Variants in CNNM2 observed in about 807,000 individuals in gnomAD.
CNNM2 encodes the protein metal transporter CNNM2.
Under a neutral mutation model 66.9 loss-of-function variants are expected in CNNM2, and 12 were observed. The ratio of observed to expected loss-of-function variants is 0.18; its 90% CI spans 0.11 to 0.29. The LOEUF (loss-of-function observed/expected upper bound fraction) is 0.29, where lower values mean the gene tolerates loss of function less well. Ranked by LOEUF, CNNM2 falls within the 10% of genes least tolerant of loss-of-function variation. The pLI, the probability that CNNM2 is intolerant of heterozygous loss-of-function variation, is 1.00. For synonymous variants in CNNM2, 557 were observed against 501.8 expected (o/e 1.11, Z -1.47); for missense variants, 705 against 1,167.7 (o/e 0.60, Z 5.77).
intron 4 of CNNM2, among the ~76,000 whole-genome samples, chr10:103,060,789 TGGAA>T (rs1245959793): frequency 6.6e-6 from 1 of 152,114 alleles, no homozygotes; most frequent in African/African-American, 2.4e-5. Flanking sequence ...GAAAACAGGG[TGGAA>T]GGAAGACTGA....
chr10:102,991,714 ATAAAT>A (rs1482864838), intron 1 of CNNM2, among the ~76,000 whole-genome samples: 5 of 152,306 alleles, frequency 3.3e-5, no homozygotes, highest in East Asian at 3.9e-4. Context: ...ATTTGTACTG[ATAAAT>A]TAAAGACTAG....
intron 1 of CNNM2, among the ~76,000 whole-genome samples, chr10:102,964,619 T>C (rs1227973085): frequency 6.6e-6 from 1 of 152,182 alleles, no homozygotes; most frequent in Non-Finnish European, 1.5e-5. Flanking sequence ...CTGGACCACC[T>C]ACTCAGCCTA....
intron 1 of CNNM2, among the ~76,000 whole-genome samples, chr10:102,986,829 C>G (rs2063806898): frequency 6.7e-6 from 1 of 148,944 alleles, no homozygotes; most frequent in Non-Finnish European, 1.5e-5. Flanking sequence ...AATTATATTA[C>G]TAGAGGTGGT....
chr10:102,961,130 A>C (rs1439632928), intron 1 of CNNM2, among the ~76,000 whole-genome samples: 1 of 152,032 alleles, frequency 6.6e-6, no homozygotes, highest in Non-Finnish European at 1.5e-5. Flanking sequence ...CAGCCGCCTC[A>C]GCCTCCCAAA....
chr10:102,958,463 T>G (rs1015467707), intron 1 of CNNM2, among the ~76,000 whole-genome samples: 3 of 91,916 alleles, frequency 3.3e-5, no homozygotes, highest in African/African-American at 8.7e-5. Context: ...CAACTTGTTT[T>G]TTTTTTTTTT....
chr10:103,068,714 C>A lies in CNNM2; in HGVS notation c.2159C>A (p.Ala720Asp). ...FSYYGVMALT[A>D]SPVPLSLSRT... is the part of the protein sequence containing the mutation. ...TACTATGGCGTGATGGCCCTGACAG[C>A]CTCTCCAGGTATGTTTGGTTCCCAG... Residue 720 changes from alanine (A) to aspartate (D), a missense_variant, in exon 5 of 8, where the codon GCC (alanine) becomes GAC (aspartate). This residue lies in a region of CNNM2 where 194 missense variants were observed against 227.6 expected (regional missense o/e 0.85). Transcript: ENST00000369878. The A allele has an allele frequency of 6.2e-7, 1 of 1,611,958 alleles. No individual in the cohort carries two copies. Among genetic ancestry groups the A allele is most frequent in the Non-Finnish European group, 8.5e-7 (1 of 1,178,962 alleles).
intron 1 of CNNM2, among the ~76,000 whole-genome samples, chr10:102,980,834 GCTT>G (rs1390641871): frequency 6.6e-6 from 1 of 152,080 alleles, no homozygotes; most frequent in Admixed American, 6.6e-5. Context: ...GCGATCACAT[GCTT>G]TTTTTTCTTC....
At chr10:103,060,537 C>T (rs892222977) in intron 4 of CNNM2, among the ~76,000 whole-genome samples, 4 of 151,948 alleles carry the variant, frequency 2.6e-5, no homozygotes, top group Non-Finnish European at 4.4e-5. Flanking sequence ...AGAGTGAGAC[C>T]CCCATCTCCA....
intron 1 of CNNM2, among the ~76,000 whole-genome samples, chr10:103,007,154 C>T (rs1401039515): frequency 2.6e-5 from 4 of 152,118 alleles, no homozygotes; most frequent in Non-Finnish European, 5.9e-5. Flanking sequence ...GCAAAACCAG[C>T]AGGCTTTCAT....
intron 1 of CNNM2, among the ~76,000 whole-genome samples, chr10:102,967,628 TATTTGATTGC>T (rs2063485241): frequency 6.6e-6 from 1 of 152,236 alleles, no homozygotes; most frequent in South Asian, 2.1e-4. Context: ...CGATTAATTG[TATTTGATTGC>T]ATGGATATAC....
chr10:103,069,907 A>G (rs527274730), intron 5 of CNNM2, among the ~76,000 whole-genome samples: 2 of 152,378 alleles, frequency 1.3e-5, no homozygotes, highest in African/African-American at 4.8e-5. Context: ...CCAGGCTTCC[A>G]AGGGGAGGAG....
At position 103,077,028 on chromosome 10, in the gene CNNM2, C is replaced by G. The variant is rs766254428; in HGVS notation, c.2476C>G (p.Gln826Glu). Reference sequence around the variant, plus strand: ...GGCATCCCGGATGGACAAAACCCCCCAGTCTTCAGACAGTGAAAACACTAA... The same window carrying G: ...GGCATCCCGGATGGACAAAACCCCCGAGTCTTCAGACAGTGAAAACACTAA... Reference protein sequence around the residue: ...LMASRMDKTPQSSDSENTKIE... With the variant: ...LMASRMDKTPESSDSENTKIE... Residue 826 changes from glutamine to glutamate, a missense_variant, in exon 8 of 8, where the codon CAG (glutamine) becomes GAG (glutamate). By Grantham distance (29) the Gln-to-Glu change is conservative (BLOSUM62 2). Coordinates refer to ENST00000369878, the MANE Select transcript of CNNM2 (RefSeq NM_017649.5). 1.2e-6 allele frequency: 2 copies of G among 1,614,002 alleles called. No individual in the cohort carries two copies. The highest frequency in any genetic ancestry group is 1.7e-6 in the Non-Finnish European group (2 of 1,179,894).
chr10:103,032,052 G>A (rs1362796604), intron 1 of CNNM2, among the ~76,000 whole-genome samples: 3 of 152,204 alleles, frequency 2.0e-5, no homozygotes, highest in Non-Finnish European at 2.9e-5. Flanking sequence ...TGAGCACTGG[G>A]GCCTAGGGGG....
chr10:102,957,970 C>G (rs1241623356), intron 1 of CNNM2, among the ~76,000 whole-genome samples: 1 of 152,110 alleles, frequency 6.6e-6, no homozygotes, highest in Non-Finnish European at 1.5e-5. Flanking sequence ...GAGTTTTGCT[C>G]TTGTCGCCCA....
Position 102,941,526 on chromosome 10 carries a change from TAC to T in CNNM2, c.1621+21427_1621+21428del, listed in dbSNP as rs373270391. 3.3e-3 allele frequency among the ~76,000 whole-genome samples: 499 copies of T among 152,332 alleles called. 1 individual carries two copies. The highest frequency in any genetic ancestry group is 0.012 in the African/African-American group (479 of 41,574). On this transcript the variant is annotated intron_variant, in intron 1 of 7. Transcript: ENST00000369878. Reference sequence around the variant, plus strand: ...CTGCATCTCCTACTCCTCCAGCAGCTACAGTGACCTCTGGCTGTTTCCTGAGT... The same window carrying T: ...CTGCATCTCCTACTCCTCCAGCAGCTAGTGACCTCTGGCTGTTTCCTGAGT...
chr10:103,064,054 T>G (rs953521208), intron 4 of CNNM2, among the ~76,000 whole-genome samples: 8 of 152,130 alleles, frequency 5.3e-5, no homozygotes, highest in African/African-American at 1.4e-4. Flanking sequence ...TAGAGAGGGA[T>G]GTAGTGGGGT....
intron 1 of CNNM2, among the ~76,000 whole-genome samples, chr10:103,001,801 C>T (rs773480158): frequency 7.9e-5 from 12 of 151,902 alleles, no homozygotes; most frequent in Middle Eastern, 3.2e-3. Flanking sequence ...GTCAGGAGTT[C>T]GAGACCAGCC....
At chr10:103,053,917 TAC>T (rs1246298129) in intron 2 of CNNM2, among the ~76,000 whole-genome samples, 4 of 152,240 alleles carry the variant, frequency 2.6e-5, no homozygotes, top group African/African-American at 9.6e-5. Flanking sequence ...CCCTTGTGTG[TAC>T]ACAGTGGTGG....
intron 1 of CNNM2, among the ~76,000 whole-genome samples, chr10:103,012,828 C>T (rs185752815): frequency 1.3e-5 from 2 of 152,126 alleles, no homozygotes; most frequent in Admixed American, 1.3e-4. Context: ...TTCTTAGACC[C>T]TATCAGATCC....
Sources: gnomAD v4.1 joint callset for allele counts (sites outside exome capture counted in the v4.1 genomes callset) on GRCh38, gnomAD v4.1.1 for gene constraint, gnomAD v4.1.1 regional missense constraint, MANE v1.5 for transcripts, NCBI Gene and HGNC (gene_info 2026-07-23, HGNC 2026-07-21) for gene names.